The following NRG1 variants were observed in gnomAD, a reference collection of about 807,000 sequenced individuals.
NRG1 encodes pro-neuregulin-1, membrane-bound isoform.
A neutral mutation model predicts 63.8 loss-of-function variants in NRG1; 18 were observed. The ratio of observed to expected loss-of-function variants is 0.28; its 90% CI spans 0.19 to 0.42. The LOEUF (loss-of-function observed/expected upper bound fraction) is 0.42, where lower values mean the gene tolerates loss of function less well. Among genes scored for constraint, NRG1 ranks in the 10% least tolerant of loss-of-function variants. NRG1 has a pLI of 1.00. For missense variants in NRG1, 762 were observed against 814.7 expected (o/e 0.94, Z 0.79); for synonymous variants, 302 against 301.3 (o/e 1.00, Z -0.02).
At chr8:32,101,711 A>C (rs923603189) in intron 1 of NRG1, among the ~76,000 whole-genome samples, 2 of 152,164 alleles carry the variant, frequency 1.3e-5, no homozygotes, top group African/African-American at 4.8e-5. Flanking sequence ...AGTTGCGTTT[A>C]ATGTGGAAGG....
At chr8:32,182,950 G>T (rs937666284) in intron 1 of NRG1, among the ~76,000 whole-genome samples, 2 of 152,116 alleles carry the variant, frequency 1.3e-5, no homozygotes, top group Non-Finnish European at 2.9e-5. Flanking sequence ...TCAAGGAAAT[G>T]GGGAGAGAAA....
intron 1 of NRG1, among the ~76,000 whole-genome samples, chr8:32,590,638 AT>A (rs1258492352): frequency 1.3e-5 from 2 of 152,198 alleles, no homozygotes; most frequent in African/African-American, 4.8e-5. Context: ...GTATTAGAAG[AT>A]ACTTGGTGAA....
At chr8:32,184,983 T>G (rs1381019199) in intron 1 of NRG1, among the ~76,000 whole-genome samples, 1 of 152,208 alleles carries the variant, frequency 6.6e-6, no homozygotes, top group Non-Finnish European at 1.5e-5. Flanking sequence ...CTTTCTGTGG[T>G]CCTGCCTTGT....
In NRG1 at chr8:32,187,478, G is replaced by C. The variant is rs770140493; in HGVS notation, c.38-408350G>C. On this transcript the variant is annotated intron_variant, in intron 1 of 10. Transcript: ENST00000519301. ...TTTCTGAATAAAAGAGTTATTGAGAGCTCTGACTCAAGGACAAATGACAAA... is the reference window on the plus strand; with the variant it reads ...TTTCTGAATAAAAGAGTTATTGAGACCTCTGACTCAAGGACAAATGACAAA... Among the ~76,000 whole-genome samples the C allele has an allele frequency of 4.1e-4, 63 of 152,132 alleles. 1 individual carries two copies. Among genetic ancestry groups the C allele is most frequent in the Non-Finnish European group, 7.8e-4 (53 of 68,034 alleles).
At chr8:31,676,652 A>G (rs1177092407) in intron 1 of NRG1, among the ~76,000 whole-genome samples, 1 of 152,208 alleles carries the variant, frequency 6.6e-6, no homozygotes, top group Non-Finnish European at 1.5e-5. Context: ...GTTCTGGTGC[A>G]TGCGCACATG....
chr8:31,856,411 T>C (rs200025591), intron 1 of NRG1, among the ~76,000 whole-genome samples: 1 of 152,220 alleles, frequency 6.6e-6, no homozygotes, highest in Non-Finnish European at 1.5e-5. Context: ...GCATTGGCTC[T>C]TGAGGCTTCT....
intron 5 of NRG1, among the ~76,000 whole-genome samples, chr8:32,710,962 A>G (rs942584204): frequency 5.9e-5 from 9 of 152,164 alleles, no homozygotes; most frequent in African/African-American, 2.2e-4. Context: ...TGCACAACCT[A>G]AAGGTAATAT....
intron 1 of NRG1, among the ~76,000 whole-genome samples, chr8:32,042,813 G>A (rs1243237530): frequency 6.6e-6 from 1 of 152,104 alleles, no homozygotes; most frequent in Non-Finnish European, 1.5e-5. Flanking sequence ...TGGTGAATTT[G>A]AAGATAGATT....
chr8:32,487,506 C>A (rs2129494211), intron 1 of NRG1, among the ~76,000 whole-genome samples: 1 of 152,152 alleles, frequency 6.6e-6, no homozygotes, highest in South Asian at 2.1e-4. Flanking sequence ...CAAAAGTAAG[C>A]TTTTGATTCC....
chr8:31,924,502 T>G (rs921575165), intron 1 of NRG1, among the ~76,000 whole-genome samples: 3 of 152,200 alleles, frequency 2.0e-5, no homozygotes, highest in African/African-American at 7.2e-5. Context: ...TGTAGTTTTT[T>G]TCCTCAATAA....
intron 1 of NRG1, among the ~76,000 whole-genome samples, chr8:32,561,737 A>G (rs1836436602): frequency 6.6e-6 from 1 of 151,854 alleles, no homozygotes; most frequent in Admixed American, 6.6e-5. Context: ...AACCTGAATT[A>G]TCTTTGACCC....
At chr8:32,326,947 A>G (rs1330736066) in intron 1 of NRG1, among the ~76,000 whole-genome samples, 1 of 152,198 alleles carries the variant, frequency 6.6e-6, no homozygotes, top group Non-Finnish European at 1.5e-5. Context: ...TCTCAACAAC[A>G]CTAACATGGG....
intron 1 of NRG1, among the ~76,000 whole-genome samples, chr8:31,927,606 G>T (rs1435366976): frequency 1.3e-5 from 2 of 149,524 alleles, no homozygotes; most frequent in South Asian, 4.2e-4. Context: ...CCGCCACTAC[G>T]CCCGGCTAAT....
At chr8:32,268,397 G>A (rs1851207549) in intron 1 of NRG1, among the ~76,000 whole-genome samples, 1 of 152,230 alleles carries the variant, frequency 6.6e-6, no homozygotes, top group Non-Finnish European at 1.5e-5. Flanking sequence ...TAGCTGTTGT[G>A]AGTCCTGGTA....
chr8:32,640,655 C>G (rs899164951), intron 5 of NRG1, among the ~76,000 whole-genome samples: 1 of 150,732 alleles, frequency 6.6e-6, no homozygotes, highest in African/African-American at 2.5e-5. Context: ...CACACACACA[C>G]ACACACAGAA....
chr8:32,554,786 T>G (rs2466103), intron 1 of NRG1, among the ~76,000 whole-genome samples: 39,027 of 152,136 alleles, frequency 0.26, 5,351 homozygotes, highest in Middle Eastern at 0.33. Context: ...TGTGGAGTTC[T>G]GCCTCTACAT....
At chr8:32,163,403 T>A (rs1175511379) in intron 1 of NRG1, among the ~76,000 whole-genome samples, 1 of 152,218 alleles carries the variant, frequency 6.6e-6, no homozygotes, top group African/African-American at 2.4e-5. Context: ...GTGGGCAGAC[T>A]TTTGTTTCTA....
intron 1 of NRG1, among the ~76,000 whole-genome samples, chr8:32,339,060 T>C (rs913264397): frequency 2.6e-5 from 4 of 151,804 alleles, no homozygotes; most frequent in Non-Finnish European, 5.9e-5. Flanking sequence ...CATAGAGAGG[T>C]GGCCCCTACA....
intron 1 of NRG1, among the ~76,000 whole-genome samples, chr8:31,932,277 A>C (rs916123960): frequency 1.3e-5 from 2 of 152,180 alleles, no homozygotes; most frequent in African/African-American, 4.8e-5. Flanking sequence ...GGACTCTTGC[A>C]TTACCTTTCA....
Sources: gnomAD v4.1 joint callset for allele counts (sites outside exome capture counted in the v4.1 genomes callset) on GRCh38, gnomAD v4.1.1 for gene constraint, MANE v1.5 for transcripts, NCBI Gene and HGNC (gene_info 2026-07-23, HGNC 2026-07-21) for gene names.